The following DNAAF5 variants were observed in gnomAD, a reference collection of about 807,000 sequenced individuals.
The protein encoded by DNAAF5 is HEAT repeat containing 2.
A neutral mutation model predicts 75.8 loss-of-function variants in DNAAF5; 64 were observed. That is an observed-to-expected ratio of 0.84 (90% CI 0.69 to 1.04). The LOEUF (loss-of-function observed/expected upper bound fraction) is 1.04, where lower values mean the gene tolerates loss of function less well. Among genes scored for constraint, DNAAF5 ranks in the 50% least tolerant of loss-of-function variants. The pLI is 0.00. For synonymous variants in DNAAF5, 657 were observed against 557.2 expected (o/e 1.18, Z -2.52); for missense variants, 1,269 against 1,178.5 (o/e 1.08, Z -1.12).
At chr7:780,762 C>T (rs1267188513) in intron 12 of DNAAF5, among the ~76,000 whole-genome samples, 5 of 152,104 alleles carry the variant, frequency 3.3e-5, no homozygotes, top group Middle Eastern at 3.2e-3. Flanking sequence ...GCCTTCCACG[C>T]TCAGTGCATT....
chr7:746,343 C>T (rs1441789529), intron 4 of DNAAF5, among the ~76,000 whole-genome samples: 2 of 125,276 alleles, frequency 1.6e-5, no homozygotes, highest in Admixed American at 1.7e-4. Context: ...GGGCCTGTGA[C>T]GCCCTCCTTA....
intron 4 of DNAAF5, among the ~76,000 whole-genome samples, chr7:744,250 C>T (rs1481713426): frequency 2.0e-5 from 3 of 152,130 alleles, no homozygotes; most frequent in East Asian, 1.9e-4. Context: ...TCATCCATGT[C>T]CCTACAAAGG....
intron 4 of DNAAF5, among the ~76,000 whole-genome samples, chr7:745,448 A>C (rs140499663): frequency 9.9e-5 from 15 of 152,176 alleles, no homozygotes; most frequent in African/African-American, 3.6e-4. Flanking sequence ...ACACATATTC[A>C]CATGCATGCA....
rs773618928 is a variant in DNAAF5, at chr7:754,297, C to T, written c.1025-292C>T. On this transcript the variant is annotated intron_variant, in intron 4 of 12. Transcript: ENST00000297440. The surrounding 1 kb of genome is among the most constrained non-coding windows in gnomAD (Gnocchi z 4.8). The stretch of plus-strand genomic sequence containing the variant: ...GCACCACGGCACCTGGCTAATCTTC[C>T]TGTTTTTTATAGAGATGGGGTCTTT... Among the ~76,000 whole-genome samples, 5 of 152,164 alleles carry T rather than the reference C, an allele frequency of 3.3e-5. No homozygotes were observed. Among genetic ancestry groups the T allele is most frequent in the Non-Finnish European group, 5.9e-5 (4 of 68,032 alleles).
chr7:781,667 G>A (rs948640612), intron 12 of DNAAF5, among the ~76,000 whole-genome samples: 4 of 151,170 alleles, frequency 2.6e-5, no homozygotes, highest in African/African-American at 9.7e-5. Flanking sequence ...TCCGCGCCGG[G>A]ACTTGTTTCC....
intron 12 of DNAAF5, among the ~76,000 whole-genome samples, chr7:783,478 G>C (rs1413123590): frequency 6.6e-6 from 1 of 152,300 alleles, no homozygotes; most frequent in Admixed American, 6.5e-5. Flanking sequence ...GAAGGGTCCT[G>C]GGGACCCCGA....
At chr7:749,010 C>T (rs1782208061) in intron 4 of DNAAF5, among the ~76,000 whole-genome samples, 1 of 152,222 alleles carries the variant, frequency 6.6e-6, no homozygotes. Flanking sequence ...ATAAGGTACA[C>T]ACCATGTGGA....
chr7:781,020 A>G (rs1283726167), intron 12 of DNAAF5, among the ~76,000 whole-genome samples: 1 of 152,018 alleles, frequency 6.6e-6, no homozygotes, highest in African/African-American at 2.4e-5. Flanking sequence ...AAACACTTAC[A>G]CTTTCTTTGT....
rs1349149807 is a variant in DNAAF5 at position 763,871 on chromosome 7, C to G, written c.1680C>G (p.Arg560=). 6.2e-7 allele frequency: 1 copy of G among 1,613,404 alleles called. No individual in the cohort carries two copies. Among genetic ancestry groups the G allele is most frequent in the Non-Finnish European group, 8.5e-7 (1 of 1,180,038 alleles). The part of the protein sequence containing the change: ...EGVSSCQDLY[R]KHIGPLLERV... ...TCAGCAGCTGCCAGGACCTCTACCGCAAGCACATTGGTCCCCTCCTGGAGC... is the reference window on the plus strand; with the variant it reads ...TCAGCAGCTGCCAGGACCTCTACCGGAAGCACATTGGTCCCCTCCTGGAGC... Residue 560 remains arginine, a synonymous_variant, in exon 8 of 13, where the codon CGC becomes CGG. Coordinates refer to ENST00000297440, the MANE Select transcript of DNAAF5 (RefSeq NM_017802.4).
Position 780,150 on chromosome 7 carries a change from A to C in DNAAF5, c.2431+6A>C. ...CATCCAGGATGCAATTTTAGGTGAG[A>C]CTCCGACGGCTTGGCCTTCGTTCCG... is the stretch of plus-strand genomic sequence containing the variant. On this transcript the variant is annotated splice_donor_region_variant and intron_variant, in intron 12 of 12. Transcript: ENST00000297440. The C allele has an allele frequency of 1.2e-6, 2 of 1,611,620 alleles. No homozygotes were observed. The highest frequency in any genetic ancestry group is 1.7e-6 in the Non-Finnish European group (2 of 1,178,316).
chr7:767,359 C>G (rs551808839), intron 8 of DNAAF5, among the ~76,000 whole-genome samples: 1 of 151,828 alleles, frequency 6.6e-6, no homozygotes, highest in African/African-American at 2.4e-5. Flanking sequence ...AGCCGTGGGA[C>G]GCTGCGCATC....
intron 6 of DNAAF5, among the ~76,000 whole-genome samples, chr7:758,371 G>A (rs1474040095): frequency 6.6e-6 from 1 of 152,218 alleles, no homozygotes; most frequent in Non-Finnish European, 1.5e-5. Context: ...TCATCCCACA[G>A]TTGTGCATTT....
At position 763,954 on chromosome 7, in the gene DNAAF5, G is replaced by T; in HGVS notation, c.1763G>T (p.Ser588Ile). Residue 588 changes from serine to isoleucine, a missense_variant, in exon 8 of 13, where the codon AGT becomes ATT. Coordinates refer to ENST00000297440, the MANE Select transcript of DNAAF5 (RefSeq NM_017802.4). ...TAHSPELLQFSVIVAQSGPAL... is the reference protein window; with the variant it reads ...TAHSPELLQFIVIVAQSGPAL... ...CACTCGCCGGAGCTCCTGCAGTTCA[G>T]TGTCATCGTCGCACAGTCAGGTGAG... The T allele has an allele frequency of 6.2e-7, 1 of 1,605,592 alleles. No homozygotes were observed. Among genetic ancestry groups the T allele is most frequent in the Middle Eastern group, 1.6e-4 (1 of 6,062 alleles).
chr7:757,007 G>A lies in DNAAF5; in HGVS notation c.1470+13G>A, dbSNP rs1782506829. 2 of 1,593,234 alleles carry A rather than the reference G, an allele frequency of 1.3e-6. No individual in the cohort carries two copies. Among genetic ancestry groups the A allele is most frequent in the East Asian group, 4.5e-5 (2 of 44,758 alleles). On this transcript the variant is annotated intron_variant, in intron 6 of 12. Transcript: ENST00000297440. The stretch of plus-strand genomic sequence containing the variant: ...GGCATCTGAAAACGTAAGAGCACTT[G>A]GGAGATGCGGGAGTGGAGAGGAGGA...
chr7:757,956 G>A (rs912811782), intron 6 of DNAAF5, among the ~76,000 whole-genome samples: 3 of 152,228 alleles, frequency 2.0e-5, no homozygotes, highest in South Asian at 2.1e-4. Context: ...TCCTCAGAAC[G>A]AGAGGTGGGG....
chr7:738,102 C>T (rs1052649246), intron 2 of DNAAF5, among the ~76,000 whole-genome samples: 4 of 152,166 alleles, frequency 2.6e-5, no homozygotes, highest in Non-Finnish European at 5.9e-5. Context: ...TTCATTCTTT[C>T]TATTCTTTTT....
intron 4 of DNAAF5, among the ~76,000 whole-genome samples, chr7:744,661 C>T (rs1782025652): frequency 6.6e-6 from 1 of 152,196 alleles, no homozygotes; most frequent in South Asian, 2.1e-4. Flanking sequence ...ACAACAAGTG[C>T]TGGAGAGGAT....
At chr7:783,241 C>T (rs1420681194) in intron 12 of DNAAF5, among the ~76,000 whole-genome samples, 19 of 152,256 alleles carry the variant, frequency 1.2e-4, no homozygotes, top group Non-Finnish European at 2.9e-5. Flanking sequence ...CTCTGCTGCA[C>T]GACCCTGGTC....
At chr7:757,074 G>A (rs1782509381) in intron 6 of DNAAF5, 80 bp downstream of exon 6, 2 of 1,390,614 alleles carry the variant, frequency 1.4e-6, no homozygotes. Flanking sequence ...TGACATGTCT[G>A]TGGGTTGCCC....
Sources: allele counts gnomAD v4.1 joint callset (sites outside exome capture counted in the v4.1 genomes callset), GRCh38; gene constraint gnomAD v4.1.1; non-coding constraint Gnocchi (gnomAD v3.1); transcripts MANE v1.5; gene names NCBI Gene and HGNC (gene_info 2026-07-23, HGNC 2026-07-21).